JAZF1: variants seen among roughly 807,000 people sequenced by gnomAD.
JAZF1 encodes the protein JAZF zinc finger 1.
A neutral mutation model predicts 26.4 loss-of-function variants in JAZF1; 8 were observed. The ratio of observed to expected loss-of-function variants is 0.30; its 90% CI spans 0.18 to 0.55. The LOEUF is 0.55. Ranked by LOEUF, JAZF1 falls within the 20% of genes least tolerant of loss-of-function variation. The pLI is 0.94. For missense variants in JAZF1, 199 were observed against 322.0 expected, an observed-to-expected ratio of 0.62 and a Z score of 2.92; for synonymous variants, 126 against 122.3, an observed-to-expected ratio of 1.03 and a Z score of -0.20.
chr7:27,910,299 C>T (rs1317820261), intron 2 of JAZF1, among the ~76,000 whole-genome samples: 1 of 152,172 alleles, frequency 6.6e-6, no homozygotes, highest in Admixed American at 6.5e-5. Flanking sequence ...CCCCTACATG[C>T]TCCATCCCAT....
At chr7:28,029,449 C>G (rs1049401278) in intron 1 of JAZF1, among the ~76,000 whole-genome samples, 1 of 152,114 alleles carries the variant, frequency 6.6e-6, no homozygotes, top group Non-Finnish European at 1.5e-5. Flanking sequence ...TCAAATAATC[C>G]ACAATCAAGC....
At chr7:28,168,016 A>G (rs907587632) in intron 1 of JAZF1, among the ~76,000 whole-genome samples, 2 of 152,184 alleles carry the variant, frequency 1.3e-5, no homozygotes, top group Non-Finnish European at 1.5e-5. Flanking sequence ...TATTAAACAC[A>G]GTGATTGGGT....
Position 27,840,389 on chromosome 7 carries a change from G to A in JAZF1, c.555+309C>T, listed in dbSNP as rs536889390. Among the ~76,000 whole-genome samples the A allele has an allele frequency of 3.9e-5, 6 of 152,330 alleles. No homozygotes were observed. Among genetic ancestry groups the A allele is most frequent in the African/African-American group, 1.4e-4 (6 of 41,572 alleles). On this transcript the variant is annotated intron_variant, in intron 4 of 4. Transcript: ENST00000283928. The surrounding 1 kb of genome is among the most constrained non-coding windows in gnomAD (Gnocchi z 5.1). ...CATATTTGATATTCTGTTCTGATGGGTCCCCCAATATGACATGAATTTGAA... is the reference window on the plus strand; with the variant it reads ...CATATTTGATATTCTGTTCTGATGGATCCCCCAATATGACATGAATTTGAA...
At chr7:28,130,292 G>GA (rs982266087) in intron 1 of JAZF1, among the ~76,000 whole-genome samples, 46 of 151,306 alleles carry the variant, frequency 3.0e-4, no homozygotes, top group South Asian at 8.4e-4. Context: ...GACTCTACTG[G>GA]AAAAAAAACA....
intron 1 of JAZF1, among the ~76,000 whole-genome samples, chr7:28,004,087 A>G: frequency 6.6e-6 from 1 of 152,176 alleles, no homozygotes; most frequent in Non-Finnish European, 1.5e-5. Flanking sequence ...ATATTGATCT[A>G]AGAATAATCT....
intron 3 of JAZF1, among the ~76,000 whole-genome samples, chr7:27,852,298 AT>A (rs914404043): frequency 6.6e-6 from 1 of 151,596 alleles, no homozygotes; most frequent in Non-Finnish European, 1.5e-5. Flanking sequence ...CACCTGGCTA[AT>A]TTTTTTGTAT....
intron 3 of JAZF1, among the ~76,000 whole-genome samples, chr7:27,873,913 T>C (rs1783628171): frequency 1.3e-5 from 2 of 152,224 alleles, no homozygotes; most frequent in Admixed American, 6.5e-5. Flanking sequence ...GCAATTATTA[T>C]ATGGACTAAA....
intron 1 of JAZF1, among the ~76,000 whole-genome samples, chr7:28,029,284 G>T (rs1489997543): frequency 2.0e-5 from 3 of 152,164 alleles, no homozygotes; most frequent in African/African-American, 7.2e-5. Flanking sequence ...CAAAATTTTA[G>T]TCAGAAAACT....
chr7:27,911,174 C>T (rs1258957080), intron 2 of JAZF1, among the ~76,000 whole-genome samples: 2 of 152,194 alleles, frequency 1.3e-5, no homozygotes, highest in Admixed American at 1.3e-4. Flanking sequence ...TGCAAACTAA[C>T]CCCTTCTTAA....
rs758961535 is a variant in JAZF1, at chr7:28,174,821, G to GGGGTGTGT, written c.115+5641_115+5642insACACACCC. Among the ~76,000 whole-genome samples the GGGGTGTGT allele has an allele frequency of 2.9e-4, 31 of 107,686 alleles. 8 individuals carry two copies. Among genetic ancestry groups the GGGGTGTGT allele is most frequent in the South Asian group, 1.4e-3 (5 of 3,522 alleles). The allele number at this position is 107,686 out of a possible 152,430, so 70.6% of individuals were successfully genotyped here. On this transcript the variant is annotated intron_variant, in intron 1 of 4. Coordinates refer to ENST00000283928, the MANE Select transcript of JAZF1 (RefSeq NM_175061.4). ...CCTGATCCTGCCTATGGGGTGTGTG[G>GGGGTGTGT]GTGTGTGTGTGTGTGTGTGTGTGTG... is the stretch of plus-strand genomic sequence containing the variant.
intron 2 of JAZF1, among the ~76,000 whole-genome samples, chr7:27,965,336 AGAAGATCT>A (rs1442801576): frequency 1.3e-5 from 2 of 152,236 alleles, no homozygotes; most frequent in Non-Finnish European, 2.9e-5. Flanking sequence ...AGGTATTAAA[AGAAGATCT>A]GAACATGTTT....
At chr7:28,161,027 T>C (rs1300634744) in intron 1 of JAZF1, among the ~76,000 whole-genome samples, 1 of 152,152 alleles carries the variant, frequency 6.6e-6, no homozygotes, top group Non-Finnish European at 1.5e-5. Context: ...ACTCTGGTTA[T>C]GTTCTAGTAA....
rs6974409 is a variant in JAZF1, at chr7:27,896,479, T to C, written c.189-1063A>G. Among the ~76,000 whole-genome samples the C allele has an allele frequency of 4.2e-3, 647 of 152,274 alleles. 3 individuals are homozygous for C. Among genetic ancestry groups the C allele is most frequent in the African/African-American group, 0.015 (616 of 41,538 alleles). The stretch of plus-strand genomic sequence containing the variant: ...CCACCTAGGCTAAGAAACAGAACAT[T>C]CCATGCCCCCCAAGGCCTCTCTCCA... On this transcript the variant is annotated intron_variant, in intron 2 of 4. Transcript: ENST00000283928.
At chr7:28,024,000 C>CA (rs1378785194) in intron 1 of JAZF1, among the ~76,000 whole-genome samples, 5 of 151,890 alleles carry the variant, frequency 3.3e-5, no homozygotes, top group African/African-American at 1.2e-4. Flanking sequence ...AAAGAAATAT[C>CA]TAGGGCTAGG....
intron 1 of JAZF1, among the ~76,000 whole-genome samples, chr7:28,058,888 G>A (rs1783757103): frequency 6.6e-6 from 1 of 152,104 alleles, no homozygotes; most frequent in Non-Finnish European, 1.5e-5. Flanking sequence ...CACTTCAAAT[G>A]TTGGATGCAG....
intron 1 of JAZF1, among the ~76,000 whole-genome samples, chr7:28,041,690 C>T (rs1783394806): frequency 6.6e-6 from 1 of 152,150 alleles, no homozygotes; most frequent in African/African-American, 2.4e-5. Context: ...TTCCAAGTCT[C>T]CTTGACTACA....
In JAZF1 at chr7:28,020,632, C is replaced by T. The variant is rs574184580; in HGVS notation, c.116-28651G>A. 136 of 471,202 alleles carry T rather than the reference C, an allele frequency of 2.9e-4. 4 individuals carry two copies. The highest frequency in any genetic ancestry group is 1.8e-3 in the South Asian group (117 of 64,570). The allele number at this position is 471,202 out of a possible 1,614,324, so 29.2% of individuals were successfully genotyped here. On this transcript the variant is annotated intron_variant, in intron 1 of 4. Transcript: ENST00000283928. ...TTCTCAGCATTTCAAAAGCATCAAACGTTTTCTCAACCCCAAGCTCCCTGT... is the reference window on the plus strand; with the variant it reads ...TTCTCAGCATTTCAAAAGCATCAAATGTTTTCTCAACCCCAAGCTCCCTGT...
intron 1 of JAZF1, chr7:28,020,547 A>G (rs1445611250): frequency 4.2e-6 from 2 of 471,054 alleles, no homozygotes; most frequent in East Asian, 1.4e-4. Flanking sequence ...GTGTCATGAC[A>G]CTTACGTTGT....
chr7:27,905,518 A>G (rs1336686174), intron 2 of JAZF1, among the ~76,000 whole-genome samples: 2 of 151,284 alleles, frequency 1.3e-5, no homozygotes, highest in Non-Finnish European at 2.9e-5. Context: ...TCCTTCATCT[A>G]CTGTCTTGAC....
Sources: allele counts gnomAD v4.1 joint callset (sites outside exome capture counted in the v4.1 genomes callset), GRCh38; gene constraint gnomAD v4.1.1; non-coding constraint Gnocchi (gnomAD v3.1); transcripts MANE v1.5; gene names NCBI Gene and HGNC (gene_info 2026-07-23, HGNC 2026-07-21).